The following GRM4 variants were observed in gnomAD, a reference collection of about 807,000 sequenced individuals.
GRM4 encodes the protein metabotropic glutamate receptor 4.
In GRM4, 28 loss-of-function variants were observed where a neutral mutation model predicts 81.7. The ratio of observed to expected loss-of-function variants is 0.34; its 90% confidence interval spans 0.25 to 0.47. The LOEUF (loss-of-function observed/expected upper bound fraction) is 0.47, where lower values mean the gene tolerates loss of function less well. GRM4 is among the 20% of genes least tolerant of loss of function. The pLI, the probability that GRM4 is intolerant of heterozygous loss-of-function variation, is 1.00. For synonymous variants in GRM4, 488 were observed against 528.8 expected (o/e 0.92, Z 1.06); for missense variants, 948 against 1,290.0 (o/e 0.73, Z 4.06).
At chr6:34,095,247 C>A (rs1314098539) in intron 2 of GRM4, among the ~76,000 whole-genome samples, 1 of 152,180 alleles carries the variant, frequency 6.6e-6, no homozygotes, top group East Asian at 1.9e-4. Flanking sequence ...GAATCACAGG[C>A]TCCTGAACAG....
chr6:34,028,427 G>A (rs1334577705), intron 9 of GRM4, 61 bp from the exon 10 acceptor site: 33 of 1,551,900 alleles, frequency 2.1e-5, no homozygotes, highest in Non-Finnish European at 2.5e-5. Context: ...CCTGACTCCC[G>A]CCAGTTCCCA....
intron 3 of GRM4, among the ~76,000 whole-genome samples, chr6:34,066,853 G>A (rs980441160): frequency 1.2e-4 from 18 of 152,068 alleles, no homozygotes; most frequent in Non-Finnish European, 2.4e-4. Context: ...CAAGGGTGCC[G>A]CGGTCCTCAC....
Position 34,056,603 on chromosome 6 carries a change from A to C in GRM4, c.1109T>G (p.Phe370Cys), listed in dbSNP as rs1388152213. ...IWFAEFWEDN[F>C]HCKLSRHALK... ...GGCGTGGCGGCTCAGCTTGCAGTGG[A>C]AGTTGTCCTCCCAGAACTCGGCAAA... is the stretch of plus-strand genomic sequence containing the variant. Residue 370 changes from phenylalanine to cysteine, a missense_variant, in exon 6 of 11, where the codon TTC becomes TGC. Physicochemically the swap from Phe to Cys is radical, Grantham distance 205 (BLOSUM62 -2). Transcript: ENST00000538487. 6.2e-7 allele frequency: 1 copy of C among 1,613,522 alleles called. No homozygotes were observed. The highest frequency in any genetic ancestry group is 8.5e-7 in the Non-Finnish European group (1 of 1,179,928).
chr6:34,094,912 G>A (rs544930723), intron 2 of GRM4, among the ~76,000 whole-genome samples: 171 of 152,282 alleles, frequency 1.1e-3, no homozygotes, highest in Middle Eastern at 6.8e-3. Context: ...TCCTTTCCAG[G>A]CCCAGGTGGT....
intron 2 of GRM4, among the ~76,000 whole-genome samples, chr6:34,113,907 C>A (rs1348478808): frequency 6.6e-6 from 1 of 152,166 alleles, no homozygotes; most frequent in Non-Finnish European, 1.5e-5. Context: ...CCTGCTGACC[C>A]AACCCTGCCA....
intron 2 of GRM4, among the ~76,000 whole-genome samples, chr6:34,125,220 G>C (rs1207346150): frequency 6.6e-6 from 1 of 152,126 alleles, no homozygotes; most frequent in Non-Finnish European, 1.5e-5. Flanking sequence ...TGATCCGCCC[G>C]CCTTGGCTTC....
chr6:34,059,076 T>C lies in GRM4; in HGVS notation c.925A>G (p.Met309Val). Residue 309 changes from methionine (M) to valine (V), a missense_variant, in exon 5 of 11, where the codon ATG becomes GTG. Physicochemically the swap from Met to Val is conservative, Grantham distance 21. Transcript: ENST00000538487. This position sits in a 1 kb window ranked among gnomAD's most constrained non-coding sequence, Gnocchi z 5.7. The stretch of plus-strand genomic sequence containing the variant: ...TTGGAGCCCCAGCTGTCAGAGCCCA[T>C]CCAGAAGAAATGGCCTGTCTGGTTG... ...RANQTGHFFW[M>V]GSDSWGSKIA... The C allele has an allele frequency of 6.2e-7, 1 of 1,613,858 alleles. No homozygotes were observed. The highest frequency in any genetic ancestry group is 8.5e-7 in the Non-Finnish European group (1 of 1,179,908).
chr6:34,070,792 C>CCACA lies in GRM4; in HGVS notation c.737-8768_737-8765dup, dbSNP rs34256571. On this transcript the variant is annotated intron_variant, in intron 3 of 10. Transcript: ENST00000538487. This position sits in a 1 kb window ranked among gnomAD's most constrained non-coding sequence, Gnocchi z 4.6. ...CACCACACCCCCGCCACACCCCCAGCCACACACACACACACACACACACAC... is the reference window on the plus strand; with the variant it reads ...CACCACACCCCCGCCACACCCCCAGCCACACACACACACACACACACACACACAC... Among the ~76,000 whole-genome samples, 14,643 of 135,336 alleles carry CCACA rather than the reference C, an allele frequency of 0.11. 898 individuals are homozygous for CCACA. Among genetic ancestry groups the CCACA allele is most frequent in the East Asian group, 0.15 (673 of 4,500 alleles). The allele number at this position is 135,336 out of a possible 152,430, so 88.8% of individuals were successfully genotyped here.
chr6:34,064,787 C>A lies in GRM4; in HGVS notation c.737-2759G>T, dbSNP rs570633372. Among the ~76,000 whole-genome samples, 47 of 152,268 alleles carry A rather than the reference C, an allele frequency of 3.1e-4. No homozygotes were observed. The highest frequency in any genetic ancestry group is 1.0e-3 in the African/African-American group (42 of 41,540). ...GAGCGGCCCGAGAGGCCACTGAGCA[C>A]CCCCTGCATGCCTGGCACCATGCGA... On this transcript the variant is annotated intron_variant, in intron 3 of 10. Transcript: ENST00000538487. The surrounding 1 kb of genome is among the most constrained non-coding windows in gnomAD (Gnocchi z 4.4).
intron 2 of GRM4, among the ~76,000 whole-genome samples, chr6:34,099,061 C>T (rs541568040): frequency 2.0e-5 from 3 of 152,324 alleles, no homozygotes; most frequent in Non-Finnish European, 4.4e-5. Flanking sequence ...CTCAGATAAC[C>T]AGCCTAGTTG....
At position 34,028,103 on chromosome 6, in the gene GRM4, C is replaced by T. The variant is rs556681787; in HGVS notation, c.2689+17G>A. ...GGGCCTGGGGCCCGAGAGGGCAGAA[C>T]GGGGCCAGGCACTCACCTGGGGCCT... On this transcript the variant is annotated intron_variant, in intron 10 of 10. Transcript: ENST00000538487. 1.8e-5 allele frequency: 29 copies of T among 1,603,186 alleles called. No homozygotes were observed. Among genetic ancestry groups the T allele is most frequent in the Admixed American group, 1.2e-4 (7 of 59,106 alleles).
intron 5 of GRM4, among the ~76,000 whole-genome samples, chr6:34,058,247 G>GCGC (rs1325502637): frequency 6.6e-6 from 1 of 152,152 alleles, no homozygotes; most frequent in East Asian, 1.9e-4. Flanking sequence ...GGGCTAGAAG[G>GCGC]CGCCATGGGC....
chr6:34,077,487 C>G (rs955152556), intron 3 of GRM4, among the ~76,000 whole-genome samples: 2 of 152,112 alleles, frequency 1.3e-5, no homozygotes, highest in African/African-American at 2.4e-5. Context: ...CTCAGCCTAC[C>G]CAGCCTGGCC....
intron 2 of GRM4, among the ~76,000 whole-genome samples, chr6:34,127,065 G>A (rs960192893): frequency 3.3e-5 from 5 of 152,130 alleles, no homozygotes; most frequent in Non-Finnish European, 7.3e-5. Flanking sequence ...AAAACATAAA[G>A]GCCTTTTTTA....
In GRM4 at chr6:34,059,158, CCG is replaced by C. The variant is rs1219693450; in HGVS notation, c.873-32_873-31del. On this transcript the variant is annotated intron_variant, in intron 4 of 10. Transcript: ENST00000538487. This position sits in a 1 kb window ranked among gnomAD's most constrained non-coding sequence, Gnocchi z 5.7. ...AGGAACATACACCAGCCCAGCCCAGCCGCGTCTGTCCACGAAACTGCCCCCAC... is the reference window on the plus strand; with the variant it reads ...AGGAACATACACCAGCCCAGCCCAGCCGTCTGTCCACGAAACTGCCCCCAC... The C allele has an allele frequency of 1.2e-6, 2 of 1,609,486 alleles. No individual in the cohort carries two copies. Among genetic ancestry groups the C allele is most frequent in the Admixed American group, 1.7e-5 (1 of 59,926 alleles).
Position 34,152,241 on chromosome 6 carries a change from G to A in GRM4, c.312+2838C>T, listed in dbSNP as rs1469668927. On this transcript the variant is annotated intron_variant, in intron 1 of 8. Coordinates refer to the GRM4 transcript ENST00000374177. This position sits in a 1 kb window ranked among gnomAD's most constrained non-coding sequence, Gnocchi z 4.1. ...AGACAGAGAGCTGGACGTAGGCCCC[G>A]GGACCTCCCACCGGCAGAGCCTGGA... 3.3e-5 allele frequency among the ~76,000 whole-genome samples: 5 copies of A among 152,138 alleles called. No individual in the cohort carries two copies. Among genetic ancestry groups the A allele is most frequent in the Non-Finnish European group, 5.9e-5 (4 of 68,016 alleles).
chr6:34,037,047 A>G (rs919147840), intron 8 of GRM4, among the ~76,000 whole-genome samples: 4 of 152,202 alleles, frequency 2.6e-5, no homozygotes, highest in African/African-American at 4.8e-5. Context: ...TCCCAGACCT[A>G]CTAACTCAGA....
At chr6:34,045,053 C>T (rs989457021) in intron 6 of GRM4, among the ~76,000 whole-genome samples, 7 of 152,110 alleles carry the variant, frequency 4.6e-5, no homozygotes, top group African/African-American at 1.7e-4. Context: ...ACACACACTC[C>T]TCAACTCTGA....
intron 3 of GRM4, chr6:34,091,543 C>T (rs1229245186): frequency 3.5e-6 from 1 of 286,762 alleles, no homozygotes; most frequent in Admixed American, 4.8e-5. Context: ...GAGTCCCTGA[C>T]AGCCCTCTAA....
Sources: gnomAD v4.1 joint callset for allele counts (sites outside exome capture counted in the v4.1 genomes callset) on GRCh38, gnomAD v4.1.1 for gene constraint, Gnocchi (gnomAD v3.1) non-coding constraint, MANE v1.5 for transcripts, NCBI Gene and HGNC (gene_info 2026-07-23, HGNC 2026-07-21) for gene names.